ANKS1B: variants seen among roughly 807,000 people sequenced by gnomAD.
ANKS1B encodes the protein ankyrin repeat and sterile alpha motif domain-containing protein 1B.
In ANKS1B, 36 loss-of-function variants were observed where a neutral mutation model predicts 148.3. That is an observed-to-expected ratio of 0.24 (90% CI 0.19 to 0.32). The LOEUF is 0.32. ANKS1B is among the 10% of genes least tolerant of loss of function. The pLI, the probability that ANKS1B is intolerant of heterozygous loss-of-function variation, is 1.00. For missense variants in ANKS1B, 1,157 were observed against 1,542.6 expected (o/e 0.75, Z 4.19); for synonymous variants, 542 against 560.8 (o/e 0.97, Z 0.47).
intron 9 of ANKS1B, among the ~76,000 whole-genome samples, chr12:99,632,722 T>C (rs2098174470): frequency 1.0e-5 from 1 of 95,260 alleles, no homozygotes; most frequent in African/African-American, 3.9e-5. Context: ...GTCTTCCTTT[T>C]CTTTCTATAT....
chr12:99,229,110 A>G (rs1492253), intron 14 of ANKS1B, among the ~76,000 whole-genome samples: 12,357 of 152,006 alleles, frequency 0.081, 913 homozygotes, highest in South Asian at 0.28. Flanking sequence ...ACTCAGAGAT[A>G]TCCACTGTTA....
intron 14 of ANKS1B, among the ~76,000 whole-genome samples, chr12:99,160,751 G>C (rs1305956856): frequency 6.6e-6 from 1 of 152,108 alleles, no homozygotes; most frequent in African/African-American, 2.4e-5. Context: ...TCATTCTTCT[G>C]CATATCGCAA....
chr12:99,134,657 A>T (rs879806480), intron 15 of ANKS1B, among the ~76,000 whole-genome samples: 28,505 of 92,242 alleles, frequency 0.31, 2,967 homozygotes, highest in East Asian at 0.53. Flanking sequence ...ACACACACAC[A>T]CACACACACA....
intron 10 of ANKS1B, among the ~76,000 whole-genome samples, chr12:99,504,247 C>T (rs2096684470): frequency 6.6e-6 from 1 of 152,102 alleles, no homozygotes; most frequent in Non-Finnish European, 1.5e-5. Context: ...GCATCTTCAT[C>T]AAAGCATTAC....
intron 12 of ANKS1B, among the ~76,000 whole-genome samples, chr12:99,318,685 A>C (rs2084647562): frequency 6.6e-6 from 1 of 150,808 alleles, no homozygotes; most frequent in Admixed American, 6.6e-5. Context: ...TTCTTCTCTG[A>C]TCTTAGTTAT....
At chr12:99,180,056 T>C (rs998342396) in intron 14 of ANKS1B, among the ~76,000 whole-genome samples, 1 of 152,176 alleles carries the variant, frequency 6.6e-6, no homozygotes, top group African/African-American at 2.4e-5. Context: ...TCCCTGTTTT[T>C]GTTCATGCTA....
At chr12:99,917,681 AC>A (rs2094213636) in intron 1 of ANKS1B, among the ~76,000 whole-genome samples, 1 of 152,214 alleles carries the variant, frequency 6.6e-6, no homozygotes, top group Admixed American at 6.5e-5. Flanking sequence ...CATAGGATCC[AC>A]CAGTCTCACC....
At chr12:98,861,270 G>A (rs2099597907) in intron 17 of ANKS1B, among the ~76,000 whole-genome samples, 1 of 152,122 alleles carries the variant, frequency 6.6e-6, no homozygotes, top group South Asian at 2.1e-4. Flanking sequence ...TCTTGATTTT[G>A]CCATTTCTCA....
chr12:99,258,440 G>A (rs192949957), intron 12 of ANKS1B, among the ~76,000 whole-genome samples: 4 of 151,394 alleles, frequency 2.6e-5, no homozygotes, highest in Admixed American at 6.6e-5. Flanking sequence ...AAAAAAAAAA[G>A]CATGCAAAAT....
intron 12 of ANKS1B, among the ~76,000 whole-genome samples, chr12:99,355,524 C>T (rs750054462): frequency 2.0e-5 from 3 of 152,050 alleles, no homozygotes; most frequent in Non-Finnish European, 4.4e-5. Context: ...TTAGATAAGC[C>T]TCACTGCCCT....
At chr12:99,476,190 C>G (rs2096317117) in intron 10 of ANKS1B, among the ~76,000 whole-genome samples, 1 of 152,102 alleles carries the variant, frequency 6.6e-6, no homozygotes, top group South Asian at 2.1e-4. Context: ...GTCAGGAGTT[C>G]AAGGCCACCC....
At chr12:99,307,817 T>C (rs974786124) in intron 12 of ANKS1B, among the ~76,000 whole-genome samples, 10 of 152,086 alleles carry the variant, frequency 6.6e-5, no homozygotes, top group African/African-American at 9.7e-5. Context: ...GGCCAACCTT[T>C]TTTATTTAGC....
At chr12:99,504,165 C>G (rs746899854) in intron 10 of ANKS1B, among the ~76,000 whole-genome samples, 8 of 152,108 alleles carry the variant, frequency 5.3e-5, no homozygotes, top group African/African-American at 1.9e-4. Context: ...TACCAATTGG[C>G]TGTGAACTCC....
chr12:99,708,553 C>A (rs530648716), intron 8 of ANKS1B, among the ~76,000 whole-genome samples: 7 of 152,264 alleles, frequency 4.6e-5, no homozygotes, highest in African/African-American at 1.4e-4. Context: ...TTGACTCTTC[C>A]AGCTACTAGT....
At chr12:99,079,079 A>T (rs2048801378) in intron 16 of ANKS1B, among the ~76,000 whole-genome samples, 1 of 152,188 alleles carries the variant, frequency 6.6e-6, no homozygotes, top group African/African-American at 2.4e-5. Flanking sequence ...AATCCTGCCT[A>T]CAACCATGTG....
At chr12:99,491,129 C>T (rs2096550949) in intron 10 of ANKS1B, among the ~76,000 whole-genome samples, 1 of 152,020 alleles carries the variant, frequency 6.6e-6, no homozygotes, top group African/African-American at 2.4e-5. Context: ...CATAGTGAAA[C>T]CCCATCTCTA....
At chr12:99,217,487 T>C (rs1357463686) in intron 14 of ANKS1B, among the ~76,000 whole-genome samples, 1 of 152,140 alleles carries the variant, frequency 6.6e-6, no homozygotes, top group African/African-American at 2.4e-5. Context: ...TCCTACCTCC[T>C]CTTAAGATCC....
At chr12:99,452,449 G>T (rs996785626) in intron 10 of ANKS1B, among the ~76,000 whole-genome samples, 27 of 152,100 alleles carry the variant, frequency 1.8e-4, no homozygotes, top group African/African-American at 5.6e-4. Flanking sequence ...TACAAAAAAT[G>T]GCATTATATC....
intron 12 of ANKS1B, among the ~76,000 whole-genome samples, chr12:99,253,168 G>A (rs1035764596): frequency 2.6e-5 from 4 of 151,930 alleles, no homozygotes; most frequent in Non-Finnish European, 5.9e-5. Flanking sequence ...TCAAGTCTGC[G>A]GTGAGCTTTG....
Sources: gnomAD v4.1 joint callset for allele counts (sites outside exome capture counted in the v4.1 genomes callset) on GRCh38, gnomAD v4.1.1 for gene constraint, MANE v1.5 for transcripts, NCBI Gene and HGNC (gene_info 2026-07-23, HGNC 2026-07-21) for gene names.